NOTCH1: variants seen among roughly 807,000 people sequenced by gnomAD.
NOTCH1 encodes notch receptor 1.
Under a neutral mutation model 254.8 loss-of-function variants are expected in NOTCH1, and 37 were observed. The observed-to-expected ratio is 0.15, with a 90% CI of 0.11 to 0.19. The LOEUF is 0.19. Ranked by LOEUF, NOTCH1 falls within the 10% of genes least tolerant of loss-of-function variation. The pLI, the probability that NOTCH1 is intolerant of heterozygous loss-of-function variation, is 1.00. For missense variants in NOTCH1, 2,972 were observed against 3,708.6 expected (o/e 0.80, Z 5.16); for synonymous variants, 1,731 against 1,618.1 (o/e 1.07, Z -1.68).
intron 31 of NOTCH1, among the ~76,000 whole-genome samples, chr9:136,500,315 C>A (rs1055061102): frequency 5.9e-5 from 9 of 152,212 alleles, no homozygotes; most frequent in Non-Finnish European, 1.2e-4. Flanking sequence ...CTCAGCAGAT[C>A]CCCCAGGCCT....
At position 136,509,908 on chromosome 9, in the gene NOTCH1, C is replaced by T. The variant is rs758642073; in HGVS notation, c.2794G>A (p.Asp932Asn). The part of the protein sequence containing the change: ...CTDGINTAFC[D>N]CLPGFRGTFC... ...GTGCCCCGGAAGCCGGGCAGGCAGT[C>T]GCAGAAGGCCGTGTTGATGCCGTCT... Residue 932 changes from aspartate to asparagine, a missense_variant, in exon 18 of 34, where the codon GAC becomes AAC. By Grantham distance (23) the Asp-to-Asn change is conservative (BLOSUM62 1). This residue lies in a region of NOTCH1 where 1,343 missense variants were observed against 1,557.0 expected (regional missense o/e 0.86). Transcript: ENST00000651671. 6 of 1,613,094 alleles carry T rather than the reference C, an allele frequency of 3.7e-6. No homozygotes were observed. The Admixed American group carries it at 5.0e-5, about 13-fold the overall frequency.
chr9:136,535,065 G>GT, intron 2 of NOTCH1, among the ~76,000 whole-genome samples: 1 of 147,314 alleles, frequency 6.8e-6, no homozygotes, highest in African/African-American at 2.5e-5. Flanking sequence ...CCAGGCCCCA[G>GT]ACCTCCTTCC....
At chr9:136,499,377 C>G (rs1271346338) in intron 31 of NOTCH1, 118 bp from the exon 32 acceptor site, 3 of 1,428,906 alleles carry the variant, frequency 2.1e-6, no homozygotes, top group Non-Finnish European at 2.8e-6. Flanking sequence ...CGAGACCCTC[C>G]TGAGATCGGC....
chr9:136,503,092 CA>C, intron 27 of NOTCH1, 89 bp downstream of exon 27: 1 of 1,575,342 alleles, frequency 6.3e-7, no homozygotes. Context: ...CCGTGGGTAG[CA>C]ACTGGCACAA....
rs112029502 is a variant in NOTCH1 at position 136,538,354 on chromosome 9, C to T, written c.140+5670G>A. ...GCCGCAGGGCCCACAGCCACCACCACGCCTTCAGCCCGCCCCAGGGTCCCG... is the reference window on the plus strand; with the variant it reads ...GCCGCAGGGCCCACAGCCACCACCATGCCTTCAGCCCGCCCCAGGGTCCCG... On this transcript the variant is annotated intron_variant, in intron 2 of 33. Transcript: ENST00000651671. Among the ~76,000 whole-genome samples, 5 of 152,174 alleles carry T rather than the reference C, an allele frequency of 3.3e-5. No individual in the cohort carries two copies. In the South Asian group the frequency reaches 6.2e-4, roughly 19 times the overall value.
chr9:136,499,008 A>T lies in NOTCH1; in HGVS notation c.6083-12T>A, dbSNP rs769606925. 1.2e-6 allele frequency: 2 copies of T among 1,613,242 alleles called. No homozygotes were observed. Among genetic ancestry groups the T allele is most frequent in the Non-Finnish European group, 1.7e-6 (2 of 1,180,002 alleles). On this transcript the variant is annotated splice_polypyrimidine_tract_variant and intron_variant, in intron 32 of 33. Transcript: ENST00000651671. The stretch of plus-strand genomic sequence containing the variant: ...CAGGGCGGACTTGCCTGCGTGAAAG[A>T]AGCAGATGGGGTAGGTTGGAGACCA...
In NOTCH1 at chr9:136,495,283, G is replaced by A; in HGVS notation, c.*788C>T. On this transcript the variant is annotated 3_prime_UTR_variant, in exon 34 of 34. Transcript: ENST00000651671. ...TCAAGAACGGGCAGGGGGCCGGGGT[G>A]GTTCTGGAGGGACCAAGAACTTGTA... is the stretch of plus-strand genomic sequence containing the variant. 1 of 398,982 alleles carries A rather than the reference G, an allele frequency of 2.5e-6. No homozygotes were observed. The highest frequency in any genetic ancestry group is 4.4e-6 in the Non-Finnish European group (1 of 226,090). The allele number at this position is 398,982 out of a possible 1,614,324, so 24.7% of individuals were successfully genotyped here. A position where few individuals can be genotyped will look rare whatever the true frequency, so the allele number is the denominator to read the frequency against.
intron 19 of NOTCH1, 137 bp downstream of exon 19, chr9:136,508,733 C>G: frequency 1.0e-5 from 9 of 861,938 alleles, no homozygotes; most frequent in Non-Finnish European, 1.6e-5. Flanking sequence ...CTCAGATCCC[C>G]AGAAACCCTC....
intron 24 of NOTCH1, 54 bp from the exon 25 acceptor site, chr9:136,505,935 C>A (rs575284018): frequency 2.0e-6 from 3 of 1,476,616 alleles, no homozygotes; most frequent in East Asian, 2.4e-5. Flanking sequence ...CCCGCCCCCC[C>A]GCCACCTCAC....
Position 136,513,544 on chromosome 9 carries a change from G to A in NOTCH1, c.2208-7C>T, listed in dbSNP as rs964207592. The stretch of plus-strand genomic sequence containing the variant: ...GTCACAGTCGCACTTGTACCTGCAA[G>A]GGGGACCACACTGCAGGTCGAGGGA... On this transcript the variant is annotated splice_polypyrimidine_tract_variant and splice_region_variant and intron_variant, in intron 13 of 33. Transcript: ENST00000651671. The surrounding 1 kb of genome is among the most constrained non-coding windows in gnomAD (Gnocchi z 4.7). The A allele has an allele frequency of 1.9e-6, 3 of 1,612,858 alleles. No homozygotes were observed. The highest frequency in any genetic ancestry group is 2.5e-6 in the Non-Finnish European group (3 of 1,179,942).
intron 16 of NOTCH1, 145 bp from the exon 17 acceptor site, chr9:136,510,950 T>C (rs1843172254): frequency 5.8e-6 from 8 of 1,387,046 alleles, no homozygotes; most frequent in Middle Eastern, 2.5e-4. Flanking sequence ...CCCCTAATTT[T>C]GGCCTAAGAA....
chr9:136,507,461 G>T, intron 21 of NOTCH1, 24 bp from the exon 22 acceptor site: 1 of 1,587,958 alleles, frequency 6.3e-7, no homozygotes, highest in Non-Finnish European at 8.6e-7. Flanking sequence ...AGAACGAGGG[G>T]CCCTTCGGCT....
rs1011137482 is a variant in NOTCH1, at chr9:136,502,188, G to A, written c.5384+84C>T. 33 of 1,575,198 alleles carry A rather than the reference G, an allele frequency of 2.1e-5. 1 individual carries two copies. Among genetic ancestry groups the A allele is most frequent in the South Asian group, 6.7e-5 (6 of 89,436 alleles). ...TGGCGTGGGAGGTGGGCCCTGGGTC[G>A]GGAGGGGCAGACTCCCGGTGAGGAT... is the stretch of plus-strand genomic sequence containing the variant. On this transcript the variant is annotated intron_variant, in intron 28 of 33. Coordinates refer to ENST00000651671, the MANE Select transcript of NOTCH1 (RefSeq NM_017617.5).
Position 136,503,259 on chromosome 9 carries a change from G to T in NOTCH1, c.5090C>A (p.Thr1697Asn). Residue 1697 changes from threonine to asparagine, a missense_variant, in exon 27 of 34, where the codon ACC becomes AAC. Transcript: ENST00000651671. ...QASSQCFQSA[T>N]DVAAFLGALA... ...CGCTCCCAGGAATGCGGCCACGTCG[G>T]TGGCACTCTGGAAGCACTGCGAGGA... The T allele has an allele frequency of 6.2e-7, 1 of 1,613,004 alleles. No homozygotes were observed.
At position 136,545,039 on chromosome 9, in the gene NOTCH1, T is replaced by G. The variant is rs770937588; in HGVS notation, c.61+687A>C. On this transcript the variant is annotated intron_variant, in intron 1 of 33. Coordinates refer to ENST00000651671, the MANE Select transcript of NOTCH1 (RefSeq NM_017617.5). This position sits in a 1 kb window ranked among gnomAD's most constrained non-coding sequence, Gnocchi z 6.8. ...CCGCTCGCTGTGCGGCGGGGAGAAA[T>G]GTAAGAGCCCCCCACCCGCGTCCCG... 1.3e-5 allele frequency among the ~76,000 whole-genome samples: 2 copies of G among 151,794 alleles called. No homozygotes were observed. The highest frequency in any genetic ancestry group is 2.4e-5 in the African/African-American group (1 of 41,318).
At chr9:136,528,439 T>G (rs1008339488) in intron 2 of NOTCH1, among the ~76,000 whole-genome samples, 8 of 14,488 alleles carry the variant, frequency 5.5e-4, no homozygotes, top group African/African-American at 1.2e-3. Context: ...GCAGGGACGG[T>G]GAGGGGGGGA....
At chr9:136,520,975 T>G (rs560332242) in intron 4 of NOTCH1, among the ~76,000 whole-genome samples, 27 of 152,242 alleles carry the variant, frequency 1.8e-4, no homozygotes, top group Admixed American at 1.0e-3. Context: ...GAGGAGACAG[T>G]GCTGACGTGC....
At chr9:136,520,894 C>T (rs895247190) in intron 4 of NOTCH1, among the ~76,000 whole-genome samples, 2 of 152,148 alleles carry the variant, frequency 1.3e-5, no homozygotes, top group African/African-American at 4.8e-5. Flanking sequence ...GGGGAGAGGG[C>T]GGGAAGCCAG....
chr9:136,502,115 G>A (rs749351263), intron 28 of NOTCH1, 27 bp from the exon 29 acceptor site: 2 of 1,611,654 alleles, frequency 1.2e-6, no homozygotes, highest in East Asian at 2.2e-5. Flanking sequence ...CGAGAAGTGA[G>A]GCTGAGCGAG....
Sources: allele counts gnomAD v4.1 joint callset (sites outside exome capture counted in the v4.1 genomes callset), GRCh38; gene constraint gnomAD v4.1.1; regional missense constraint gnomAD v4.1.1; non-coding constraint Gnocchi (gnomAD v3.1); transcripts MANE v1.5; gene names NCBI Gene and HGNC (gene_info 2026-07-23, HGNC 2026-07-21).